TSPAN9: variants seen among roughly 807,000 people sequenced by gnomAD.
The protein encoded by TSPAN9 is tetraspanin 9, also known as tetraspanin-9.
TSPAN9 carries 16 observed loss-of-function variants against 31.0 expected under a neutral mutation model. That is an observed-to-expected ratio of 0.52 (90% CI 0.35 to 0.78). The LOEUF (loss-of-function observed/expected upper bound fraction) is 0.78, where lower values mean the gene tolerates loss of function less well. Ranked by LOEUF, TSPAN9 falls within the 30% of genes least tolerant of loss-of-function variation. The pLI is 0.01. For missense variants in TSPAN9, 272 were observed against 312.5 expected, an observed-to-expected ratio of 0.87 and a Z score of 0.98; for synonymous variants, 145 against 121.6, an observed-to-expected ratio of 1.19 and a Z score of -1.27.
rs116820247 is a variant in TSPAN9, at chr12:3,094,303, C to T, written c.-18+10584C>T. ...CACCCCTAGATTCCTGCTTTCTTTG[C>T]GCACCTTCCCAACATTGCCTCTATT... On this transcript the variant is annotated intron_variant, in intron 2 of 8. Transcript: ENST00000011898. 5.9e-3 allele frequency among the ~76,000 whole-genome samples: 894 copies of T among 152,194 alleles called. 8 individuals are homozygous for T. Among genetic ancestry groups the T allele is most frequent in the African/African-American group, 0.02 (847 of 41,548 alleles).
At chr12:3,171,770 G>A (rs1235412576) in intron 2 of TSPAN9, 1 of 152,142 alleles carries the variant, frequency 6.6e-6, no homozygotes, top group Non-Finnish European at 1.5e-5. Context: ...CCTGAAGAAG[G>A]GGCTGTGACC....
chr12:3,205,729 C>CCG (rs1555151728), intron 3 of TSPAN9, among the ~76,000 whole-genome samples: 50 of 151,826 alleles, frequency 3.3e-4, no homozygotes, highest in East Asian at 2.3e-3. Context: ...CCCCCCCCCC[C>CCG]CAGAGTGCTC....
intron 3 of TSPAN9, among the ~76,000 whole-genome samples, chr12:3,224,045 G>A (rs1425427863): frequency 1.3e-5 from 2 of 151,910 alleles, no homozygotes; most frequent in Non-Finnish European, 2.9e-5. Context: ...CTCTTCAGAT[G>A]GATTTGTGCT....
chr12:3,139,944 G>A (rs914075599), intron 2 of TSPAN9, among the ~76,000 whole-genome samples: 19 of 152,192 alleles, frequency 1.2e-4, no homozygotes, highest in Admixed American at 2.0e-4. Context: ...GGCCTCCCCA[G>A]GAGCATGGCA....
chr12:3,283,416 G>T lies in TSPAN9; in HGVS notation c.*300G>T. 3.4e-6 allele frequency: 1 copy of T among 297,420 alleles called. No individual in the cohort carries two copies. Among genetic ancestry groups the T allele is most frequent in the Non-Finnish European group, 6.2e-6 (1 of 160,884 alleles). The allele number at this position is 297,420 out of a possible 1,614,324, so 18.4% of individuals were successfully genotyped here. A position where few individuals can be genotyped will look rare whatever the true frequency, so the allele number is the denominator to read the frequency against. ...CCGGAGGAACCCCCGGCACTGATGGGCTTCTGCCCCTGCCCTTCCTCACAC... is the reference window on the plus strand; with the variant it reads ...CCGGAGGAACCCCCGGCACTGATGGTCTTCTGCCCCTGCCCTTCCTCACAC... On this transcript the variant is annotated 3_prime_UTR_variant, in exon 9 of 9. Transcript: ENST00000011898.
chr12:3,260,566 G>A (rs986979487), intron 3 of TSPAN9, among the ~76,000 whole-genome samples: 15 of 152,198 alleles, frequency 9.9e-5, no homozygotes, highest in African/African-American at 3.1e-4. Flanking sequence ...AATATCTCTC[G>A]GGATCCTACT....
At chr12:3,099,934 C>A (rs1420733366) in intron 2 of TSPAN9, among the ~76,000 whole-genome samples, 1 of 151,846 alleles carries the variant, frequency 6.6e-6, no homozygotes, top group East Asian at 1.9e-4. Context: ...CTCTGCCTCC[C>A]GGGTTCATGC....
intron 3 of TSPAN9, among the ~76,000 whole-genome samples, chr12:3,240,969 A>G (rs1459469514): frequency 6.6e-6 from 1 of 152,216 alleles, no homozygotes; most frequent in East Asian, 1.9e-4. Flanking sequence ...TCACATGTGC[A>G]TGGATTTTTA....
chr12:3,179,395 T>G (rs1442817454), intron 2 of TSPAN9, among the ~76,000 whole-genome samples: 4 of 152,148 alleles, frequency 2.6e-5, no homozygotes, highest in Non-Finnish European at 5.9e-5. Context: ...GGCTTCCTGT[T>G]GCATTTTAAG....
chr12:3,200,804 G>A (rs1035728154), intron 2 of TSPAN9: 3 of 201,836 alleles, frequency 1.5e-5, no homozygotes, highest in Admixed American at 1.2e-4. Flanking sequence ...GTGCAGAGAG[G>A]GGGCGTGCAA....
At position 3,226,779 on chromosome 12, in the gene TSPAN9, TATATATA is replaced by T. The variant is rs2098387933; in HGVS notation, c.63+25524_63+25530del. On this transcript the variant is annotated intron_variant, in intron 3 of 8. Coordinates refer to ENST00000011898, the MANE Select transcript of TSPAN9 (RefSeq NM_006675.5). The stretch of plus-strand genomic sequence containing the variant: ...ATATATATATATATATATATATATA[TATATATA>T]TATATATATTTTTTTTTTTTTTTCC... Among the ~76,000 whole-genome samples, 4 of 8,734 alleles carry T rather than the reference TATATATA, an allele frequency of 4.6e-4. 1 individual carries two copies. Among genetic ancestry groups the T allele is most frequent in the Non-Finnish European group, 7.1e-4 (3 of 4,232 alleles). 5.7% of individuals were successfully genotyped at this position (8,734 alleles called of 152,430 possible).
intron 2 of TSPAN9, among the ~76,000 whole-genome samples, chr12:3,191,327 G>A (rs1235835226): frequency 7.9e-5 from 12 of 152,270 alleles, no homozygotes; most frequent in Admixed American, 2.0e-4. Context: ...CCAGTGGAGC[G>A]TGTGGGTGCC....
Position 3,172,194 on chromosome 12 carries a change from G to C in TSPAN9, c.-17-28983G>C, listed in dbSNP as rs2098352260. Reference sequence around the variant, plus strand: ...TGGCCCTCTGGTAGCAGCCAGCAAAGCAGGATCCATCCGTCACCCTTCCCC... The same window carrying C: ...TGGCCCTCTGGTAGCAGCCAGCAAACCAGGATCCATCCGTCACCCTTCCCC... On this transcript the variant is annotated intron_variant, in intron 2 of 8. Coordinates refer to ENST00000011898, the MANE Select transcript of TSPAN9 (RefSeq NM_006675.5). The surrounding 1 kb of genome is among the most constrained non-coding windows in gnomAD (Gnocchi z 4.8). 1 of 152,352 alleles carries C rather than the reference G, an allele frequency of 6.6e-6. No homozygotes were observed. The highest frequency in any genetic ancestry group is 1.5e-5 in the Non-Finnish European group (1 of 68,116). The allele number at this position is 152,352 out of a possible 1,614,324, so 9.4% of individuals were successfully genotyped here.
intron 2 of TSPAN9, among the ~76,000 whole-genome samples, chr12:3,109,706 G>C (rs1404515071): frequency 6.6e-6 from 1 of 150,678 alleles, no homozygotes; most frequent in Admixed American, 6.6e-5. Flanking sequence ...GCTGAGGCAG[G>C]AGAATTGCTT....
At chr12:3,233,736 C>G (rs574998676) in intron 3 of TSPAN9, among the ~76,000 whole-genome samples, 1 of 152,214 alleles carries the variant, frequency 6.6e-6, no homozygotes, top group Non-Finnish European at 1.5e-5. Flanking sequence ...CTTTCATGCA[C>G]ATGAATAATA....
At chr12:3,139,900 T>G (rs967474078) in intron 2 of TSPAN9, among the ~76,000 whole-genome samples, 1 of 152,224 alleles carries the variant, frequency 6.6e-6, no homozygotes, top group Non-Finnish European at 1.5e-5. Context: ...CCCCTGCAGC[T>G]GACCGTCAGG....
At chr12:3,248,905 T>G (rs1862193239) in intron 3 of TSPAN9, among the ~76,000 whole-genome samples, 1 of 152,174 alleles carries the variant, frequency 6.6e-6, no homozygotes, top group Non-Finnish European at 1.5e-5. Context: ...CCTGCCCAGC[T>G]CCCAGGCTGG....
rs1219552633 is a variant in TSPAN9, at chr12:3,107,512, C to T, written c.-18+23793C>T. Among the ~76,000 whole-genome samples the T allele has an allele frequency of 1.3e-5, 2 of 152,144 alleles. No individual in the cohort carries two copies. Among genetic ancestry groups the T allele is most frequent in the African/African-American group, 4.8e-5 (2 of 41,430 alleles). The stretch of plus-strand genomic sequence containing the variant: ...GGGGTGAGGAGAGAGGGACCAAGGA[C>T]AGCAGACCCCCAGTCCAGCCCCCCT... On this transcript the variant is annotated intron_variant, in intron 2 of 8. Coordinates refer to ENST00000011898, the MANE Select transcript of TSPAN9 (RefSeq NM_006675.5). The surrounding 1 kb of genome is among the most constrained non-coding windows in gnomAD (Gnocchi z 4.1).
rs1353559321 is a variant in TSPAN9 at position 3,190,189 on chromosome 12, C to T, written c.-17-10988C>T. Among the ~76,000 whole-genome samples the T allele has an allele frequency of 2.6e-5, 4 of 152,212 alleles. No homozygotes were observed. In the East Asian group the frequency reaches 7.7e-4, roughly 29 times the overall value. Reference sequence around the variant, plus strand: ...CAGCTCCTGAAATCAGCAGAAGGGTCCCAGCTGCACAGTCAGGCTGGATGT... The same window carrying T: ...CAGCTCCTGAAATCAGCAGAAGGGTTCCAGCTGCACAGTCAGGCTGGATGT... On this transcript the variant is annotated intron_variant, in intron 2 of 8. Transcript: ENST00000011898.
Sources: allele counts gnomAD v4.1 joint callset (sites outside exome capture counted in the v4.1 genomes callset), GRCh38; gene constraint gnomAD v4.1.1; non-coding constraint Gnocchi (gnomAD v3.1); transcripts MANE v1.5; gene names NCBI Gene and HGNC (gene_info 2026-07-23, HGNC 2026-07-21).